The following CCDC38 variants were observed in gnomAD, a reference collection of about 807,000 sequenced individuals.
CCDC38 encodes the protein coiled-coil domain containing 38.
In CCDC38, 69 loss-of-function variants were observed where a neutral mutation model predicts 72.8. The ratio of observed to expected loss-of-function variants is 0.95; its 90% CI spans 0.78 to 1.16. The LOEUF (loss-of-function observed/expected upper bound fraction) is 1.16. Among genes scored for constraint, CCDC38 ranks in the 50% most tolerant of loss-of-function variants. The pLI, the probability that CCDC38 is intolerant of heterozygous loss-of-function variation, is 0.00. For missense variants in CCDC38, 626 were observed against 638.9 expected, an observed-to-expected ratio of 0.98 and a Z score of 0.22; for synonymous variants, 201 against 213.2, an observed-to-expected ratio of 0.94 and a Z score of 0.50.
chr12:95,869,645 T>C, intron 14 of CCDC38, 72 bp from the exon 15 acceptor site: 2 of 1,136,220 alleles, frequency 1.8e-6, no homozygotes, highest in South Asian at 1.3e-5. Context: ...TTACTATTTG[T>C]TAATGAGCCA....
At chr12:95,930,838 G>T (rs1380860228) in intron 2 of CCDC38, among the ~76,000 whole-genome samples, 1 of 152,060 alleles carries the variant, frequency 6.6e-6, no homozygotes, top group Non-Finnish European at 1.5e-5. Context: ...TAGCAATAAG[G>T]GGTCTGCTTA....
At chr12:95,888,620 C>A (rs139988440) in intron 9 of CCDC38, 114 bp from the exon 10 acceptor site, 1 of 805,604 alleles carries the variant, frequency 1.2e-6, no homozygotes, top group Non-Finnish European at 2.1e-6. Context: ...TTTTTCTGCA[C>A]AGACATGCCC....
At chr12:95,899,976 G>A (rs899554737) in intron 5 of CCDC38, among the ~76,000 whole-genome samples, 7 of 152,186 alleles carry the variant, frequency 4.6e-5, no homozygotes, top group Non-Finnish European at 8.8e-5. Flanking sequence ...CTGATGTGGT[G>A]AGAATTAAAC....
chr12:95,906,147 C>T (rs1436486703), intron 5 of CCDC38, among the ~76,000 whole-genome samples: 1 of 152,154 alleles, frequency 6.6e-6, no homozygotes, highest in African/African-American at 2.4e-5. Context: ...AGTATAAAAC[C>T]TTGTCTGGGA....
intron 15 of CCDC38, among the ~76,000 whole-genome samples, chr12:95,869,069 A>G (rs550847946): frequency 3.3e-5 from 5 of 152,194 alleles, no homozygotes; most frequent in African/African-American, 4.8e-5. Flanking sequence ...TTGTGTATGT[A>G]TATTTCCAGA....
chr12:95,924,353 G>C (rs2080244797), intron 2 of CCDC38, among the ~76,000 whole-genome samples: 1 of 147,296 alleles, frequency 6.8e-6, no homozygotes, highest in African/African-American at 2.5e-5. Flanking sequence ...TTTGAGAAGT[G>C]TCTGTTCATG....
chr12:95,923,543 T>TAAAAA (rs1198418276), intron 2 of CCDC38, among the ~76,000 whole-genome samples: 8 of 151,520 alleles, frequency 5.3e-5, no homozygotes, highest in Admixed American at 2.0e-4. Flanking sequence ...TTTTTTTTTT[T>TAAAAA]AATTTATTAT....
intron 5 of CCDC38, among the ~76,000 whole-genome samples, chr12:95,902,251 T>C (rs1004654951): frequency 6.6e-6 from 1 of 152,202 alleles, no homozygotes; most frequent in Non-Finnish European, 1.5e-5. Flanking sequence ...ATTTTTAAAG[T>C]ATACAATCTG....
chr12:95,919,361 T>A (rs1219476549), intron 2 of CCDC38: 1 of 378,328 alleles, frequency 2.6e-6, no homozygotes, highest in African/African-American at 2.1e-5. Context: ...GTGGTTGAGG[T>A]ACGGCTGCTG....
chr12:95,926,399 A>AT (rs1309328949), intron 2 of CCDC38, among the ~76,000 whole-genome samples: 2 of 151,682 alleles, frequency 1.3e-5, no homozygotes, highest in East Asian at 1.9e-4. Context: ...CCCCTTTATC[A>AT]TTTTTTATTG....
At chr12:95,927,190 G>C (rs74558342) in intron 2 of CCDC38, among the ~76,000 whole-genome samples, 20,573 of 151,996 alleles carry the variant, frequency 0.14, 1,588 homozygotes, top group African/African-American at 0.2. Context: ...TCTCTTTCTA[G>C]GTCGCTCAGG....
chr12:95,914,256 A>G (rs1183112271), intron 4 of CCDC38, among the ~76,000 whole-genome samples: 1 of 152,220 alleles, frequency 6.6e-6, no homozygotes, highest in East Asian at 1.9e-4. Context: ...CCTTGGAGAC[A>G]GATTTTGCAG....
intron 1 of CCDC38, among the ~76,000 whole-genome samples, chr12:95,939,293 G>A (rs539315829): frequency 6.6e-6 from 1 of 152,318 alleles, no homozygotes; most frequent in African/African-American, 2.4e-5. Context: ...CACCCCAGAT[G>A]AAGCCAGAGA....
At position 95,918,913 on chromosome 12, in the gene CCDC38, A is replaced by T; in HGVS notation, c.101T>A (p.Phe34Tyr). ...TGCCATTTCATTTTCTTTGACAAGA[A>T]AGAGATCTCTGAAAAAGATCTTATA... Reference protein sequence around the residue: ...RPYKIFFRDLFLVKENEMAAK... With the variant: ...RPYKIFFRDLYLVKENEMAAK... Residue 34 changes from phenylalanine to tyrosine, a missense_variant, in exon 3 of 16, where the codon TTT becomes TAT. By Grantham distance (22) the Phe-to-Tyr change is conservative (BLOSUM62 3). Coordinates refer to ENST00000344280, the MANE Select transcript of CCDC38 (RefSeq NM_182496.3). 1 of 1,612,638 alleles carries T rather than the reference A, an allele frequency of 6.2e-7. No homozygotes were observed. Among genetic ancestry groups the T allele is most frequent in the Non-Finnish European group, 8.5e-7 (1 of 1,178,674 alleles).
At chr12:95,896,955 A>T (rs964127) in intron 7 of CCDC38, among the ~76,000 whole-genome samples, 62,721 of 152,144 alleles carry the variant, frequency 0.41, 13,904 homozygotes, top group African/African-American at 0.56. Flanking sequence ...TCTAGAAATA[A>T]TCTATAAATG....
intron 2 of CCDC38, chr12:95,919,545 T>G (rs1565962699): frequency 2.2e-6 from 1 of 456,090 alleles, no homozygotes; most frequent in Non-Finnish European, 4.4e-6. Flanking sequence ...AGAATGCAGA[T>G]AGCCTTGCCT....
At chr12:95,883,896 T>G (rs2079728620) in intron 10 of CCDC38, among the ~76,000 whole-genome samples, 3 of 152,192 alleles carry the variant, frequency 2.0e-5, no homozygotes, top group African/African-American at 7.2e-5. Flanking sequence ...CAACACTCAT[T>G]TTGATAAAAA....
chr12:95,910,172 G>A (rs536758054), intron 4 of CCDC38, among the ~76,000 whole-genome samples: 2 of 152,188 alleles, frequency 1.3e-5, no homozygotes, highest in South Asian at 4.2e-4. Flanking sequence ...CACCAAAAGA[G>A]GCTTAGATCT....
At chr12:95,874,335 G>C (rs1465746539) in intron 13 of CCDC38, among the ~76,000 whole-genome samples, 9 of 152,162 alleles carry the variant, frequency 5.9e-5, no homozygotes, top group African/African-American at 1.7e-4. Flanking sequence ...TGAACACTTA[G>C]ATGGCTTTAG....
Sources: allele counts gnomAD v4.1 joint callset (sites outside exome capture counted in the v4.1 genomes callset), GRCh38; gene constraint gnomAD v4.1.1; transcripts MANE v1.5; gene names NCBI Gene and HGNC (gene_info 2026-07-23, HGNC 2026-07-21).